ZBTB20: variants seen among roughly 807,000 people sequenced by gnomAD.
ZBTB20 encodes zinc finger and BTB domain-containing protein 20.
In ZBTB20, 9 loss-of-function variants were observed where a neutral mutation model predicts 56.9. That is an observed-to-expected ratio of 0.16 (90% CI 0.10 to 0.28). The LOEUF is 0.28. Among genes scored for constraint, ZBTB20 ranks in the 10% least tolerant of loss-of-function variants. ZBTB20 has a pLI of 1.00. For missense variants in ZBTB20, 655 were observed against 1,003.0 expected (o/e 0.65, Z 4.69); for synonymous variants, 417 against 420.7 (o/e 0.99, Z 0.11).
chr3:115,019,891 G>A (rs1456053707), intron 2 of ZBTB20, among the ~76,000 whole-genome samples: 1 of 151,208 alleles, frequency 6.6e-6, no homozygotes, highest in Non-Finnish European at 1.5e-5. Flanking sequence ...GAAGACAAAT[G>A]CAGAGAAAAG....
chr3:114,902,871 G>A (rs2075176392), intron 3 of ZBTB20, among the ~76,000 whole-genome samples: 1 of 152,174 alleles, frequency 6.6e-6, no homozygotes, highest in Non-Finnish European at 1.5e-5. Flanking sequence ...AAGAAAAGAA[G>A]ATAGAGCAAA....
intron 6 of ZBTB20, among the ~76,000 whole-genome samples, chr3:114,670,835 C>T (rs2061324878): frequency 6.6e-6 from 1 of 152,058 alleles, no homozygotes; most frequent in Non-Finnish European, 1.5e-5. Context: ...TACATCTTTC[C>T]AACACAGAGA....
Position 114,327,756 on chromosome 3 carries a change from C to G in ZBTB20, c.*11249G>C, listed in dbSNP as rs2079108259. 1 of 152,170 alleles carries G rather than the reference C, an allele frequency of 6.6e-6. No homozygotes were observed. The highest frequency in any genetic ancestry group is 2.4e-5 in the African/African-American group (1 of 41,434). 9.4% of individuals were successfully genotyped at this position (152,170 alleles called of 1,614,324 possible). A position where few individuals can be genotyped will look rare whatever the true frequency, so the allele number is the denominator to read the frequency against. ...TTTTTGTCAAAGGGTAAAGCAAGAACTGAAAGCATACCGCCTATGCACTCA... is the reference window on the plus strand; with the variant it reads ...TTTTTGTCAAAGGGTAAAGCAAGAAGTGAAAGCATACCGCCTATGCACTCA... On this transcript the variant is annotated 3_prime_UTR_variant, in exon 12 of 12. Coordinates refer to ENST00000675478, the MANE Select transcript of ZBTB20 (RefSeq NM_001348800.3).
chr3:115,045,562 G>GA (rs1400805438), intron 2 of ZBTB20, among the ~76,000 whole-genome samples: 10 of 142,460 alleles, frequency 7.0e-5, no homozygotes, highest in East Asian at 2.0e-4. Context: ...CCTCCTTAAA[G>GA]AAAAAAAAAA....
intron 2 of ZBTB20, among the ~76,000 whole-genome samples, chr3:115,055,274 TC>T (rs534830113): frequency 1.1e-3 from 158 of 140,550 alleles, no homozygotes; most frequent in African/African-American, 3.9e-3. Flanking sequence ...ATAAGGACAC[TC>T]AAGCAGCCCT....
At chr3:114,636,671 A>T (rs1218443369) in intron 6 of ZBTB20, among the ~76,000 whole-genome samples, 1 of 152,060 alleles carries the variant, frequency 6.6e-6, no homozygotes, top group Non-Finnish European at 1.5e-5. Context: ...TGTAGTAGAT[A>T]TATAAAACAT....
intron 7 of ZBTB20, among the ~76,000 whole-genome samples, chr3:114,462,514 TA>T (rs1421759101): frequency 2.0e-5 from 3 of 152,182 alleles, no homozygotes; most frequent in Admixed American, 1.3e-4. Context: ...TCAGTTTTAG[TA>T]AAGTGGCCCA....
At chr3:114,561,185 T>C (rs2051999355) in intron 6 of ZBTB20, among the ~76,000 whole-genome samples, 1 of 152,230 alleles carries the variant, frequency 6.6e-6, no homozygotes, top group African/African-American at 2.4e-5. Flanking sequence ...TCACATTATG[T>C]ACAGTTACTT....
intron 4 of ZBTB20, among the ~76,000 whole-genome samples, chr3:114,813,805 T>C (rs2072732030): frequency 6.6e-6 from 1 of 152,126 alleles, no homozygotes; most frequent in South Asian, 2.1e-4. Flanking sequence ...ATCTAGATAA[T>C]CTAATATAAT....
chr3:114,511,064 A>G (rs1255047287), intron 6 of ZBTB20, among the ~76,000 whole-genome samples: 1 of 151,788 alleles, frequency 6.6e-6, no homozygotes, highest in Admixed American at 6.6e-5. Flanking sequence ...AACATGATGA[A>G]ACTGAAAAAA....
intron 3 of ZBTB20, among the ~76,000 whole-genome samples, chr3:114,960,959 T>C (rs966108062): frequency 6.6e-6 from 1 of 152,044 alleles, no homozygotes; most frequent in Admixed American, 6.6e-5. Context: ...GTCAGCAAGA[T>C]CAAATGCTCA....
At chr3:114,563,263 A>G (rs2052322678) in intron 6 of ZBTB20, among the ~76,000 whole-genome samples, 1 of 152,206 alleles carries the variant, frequency 6.6e-6, no homozygotes, top group South Asian at 2.1e-4. Context: ...ATAGCAGATG[A>G]GACACATACT....
At chr3:114,765,866 A>G (rs937938615) in intron 5 of ZBTB20, among the ~76,000 whole-genome samples, 3 of 152,204 alleles carry the variant, frequency 2.0e-5, no homozygotes, top group South Asian at 2.1e-4. Flanking sequence ...TCCTAATCCA[A>G]TGAGATGTTG....
chr3:114,470,172 C>G (rs1156890205), intron 7 of ZBTB20, among the ~76,000 whole-genome samples: 1 of 152,040 alleles, frequency 6.6e-6, no homozygotes, highest in Admixed American at 6.6e-5. Context: ...TTCTTAACAG[C>G]TTTTTAAAAA....
chr3:115,037,988 T>G (rs1310870839), intron 2 of ZBTB20, among the ~76,000 whole-genome samples: 1 of 152,230 alleles, frequency 6.6e-6, no homozygotes, highest in African/African-American at 2.4e-5. Flanking sequence ...AATAATTAAC[T>G]CCATTATCCT....
chr3:114,863,984 T>C (rs2075652806), intron 4 of ZBTB20, among the ~76,000 whole-genome samples: 2 of 152,018 alleles, frequency 1.3e-5, no homozygotes, highest in East Asian at 1.9e-4. Context: ...TCTGTAATGC[T>C]GAGAAAACAT....
intron 3 of ZBTB20, among the ~76,000 whole-genome samples, chr3:114,966,704 C>A (rs6783648): frequency 0.97 from 147,867 of 152,096 alleles, 72,032 homozygotes; most frequent in East Asian, 1. Context: ...AATAAACAAA[C>A]GTTCACATAT....
rs1328215270 is a variant in ZBTB20, at chr3:114,324,886, G to T, written c.*14119C>A. ...TCACCCTCCAAAGGTAAGTCTGCTT[G>T]TCTGCTCATACCCACACATGCATGC... On this transcript the variant is annotated 3_prime_UTR_variant, in exon 12 of 12. Coordinates refer to ENST00000675478, the MANE Select transcript of ZBTB20 (RefSeq NM_001348800.3). 1 of 152,148 alleles carries T rather than the reference G, an allele frequency of 6.6e-6. No individual in the cohort carries two copies. Among genetic ancestry groups the T allele is most frequent in the Non-Finnish European group, 1.5e-5 (1 of 68,018 alleles). The allele number at this position is 152,148 out of a possible 1,614,324, so 9.4% of individuals were successfully genotyped here. A position where few individuals can be genotyped will look rare whatever the true frequency, so the allele number is the denominator to read the frequency against.
rs750873192 is a variant in ZBTB20 at position 114,350,737 on chromosome 3, A to G, written c.1341T>C (p.Thr447=). 1.3e-5 allele frequency: 21 copies of G among 1,614,174 alleles called. No homozygotes were observed. Among genetic ancestry groups the G allele is most frequent in the Non-Finnish European group, 1.8e-5 (21 of 1,180,014 alleles). The change falls in exon 11 of 12, where the codon ACT becomes ACC. Residue 447 remains threonine (T), a synonymous_variant. Transcript: ENST00000675478. The stretch of plus-strand genomic sequence containing the variant: ...CGCTCTTGTCGGAGCTGTTGCTGAC[A>G]GTGATAACAGTGCTGTCCATCTCCA... ...NEVEMDSTVI[T]VSNSSDKSVL... is the part of the protein sequence containing the mutation.
Sources: allele counts gnomAD v4.1 joint callset (sites outside exome capture counted in the v4.1 genomes callset), GRCh38; gene constraint gnomAD v4.1.1; transcripts MANE v1.5; gene names NCBI Gene and HGNC (gene_info 2026-07-23, HGNC 2026-07-21).